The following MMD2 variants were observed in gnomAD, a reference collection of about 807,000 sequenced individuals.
MMD2 encodes monocyte to macrophage differentiation factor 2.
Under a neutral mutation model 33.5 loss-of-function variants are expected in MMD2, and 30 were observed. The ratio of observed to expected loss-of-function variants is 0.90; its 90% confidence interval spans 0.67 to 1.22. MMD2 has a LOEUF of 1.22. Ranked by LOEUF, MMD2 falls within the 50% of genes most tolerant of loss-of-function variation. MMD2 has a pLI of 0.00. For missense variants in MMD2, 364 were observed against 325.4 expected (o/e 1.12, Z -0.91); for synonymous variants, 129 against 123.0 (o/e 1.05, Z -0.32).
chr7:4,894,553 C>A, the MMD2 span, among the ~76,000 whole-genome samples: 1 of 152,122 alleles, frequency 6.6e-6, no homozygotes, highest in Non-Finnish European at 1.5e-5. This position sits in a 1 kb window ranked among gnomAD's most constrained non-coding sequence, Gnocchi z 4.3. Context: ...ATCCTAATCA[C>A]CCCAGGGCCA....
In MMD2 at chr7:4,957,636, C is replaced by A. The variant is rs574707167; in HGVS notation, c.47+1335G>T. Among the ~76,000 whole-genome samples the A allele has an allele frequency of 3.7e-4, 55 of 147,770 alleles. No individual in the cohort carries two copies. The South Asian group carries it at 0.012, about 31-fold the overall frequency. On this transcript the variant is annotated intron_variant, in intron 1 of 6. Transcript: ENST00000401401. ...TGCACTCCAGCCTGGGCAACAAGAG[C>A]GAGACTCCATCTCAGAAAAAAAAAA...
chr7:4,954,636 C>T (rs924695004), intron 1 of MMD2, among the ~76,000 whole-genome samples: 1 of 152,086 alleles, frequency 6.6e-6, no homozygotes, highest in Non-Finnish European at 1.5e-5. Context: ...CCAAGCTGGT[C>T]TTGAACTCCC....
At chr7:4,945,195 T>TTCC (rs1562493773) in intron 1 of MMD2, among the ~76,000 whole-genome samples, 24 of 134,556 alleles carry the variant, frequency 1.8e-4, no homozygotes, top group African/African-American at 6.8e-4. Context: ...TTTCTTCTTC[T>TTCC]TCTTCTTCTT....
At position 4,920,347 on chromosome 7, in the gene MMD2, C is replaced by G; in HGVS notation, c.130-16G>C. ...TGATCCAGAACTGGAGGGGCAGGGA[C>G]GGCAGGGACAGGTGCAGCAGCTGGG... On this transcript the variant is annotated splice_polypyrimidine_tract_variant and intron_variant, in intron 2 of 6. Coordinates refer to ENST00000401401, the MANE Select transcript of MMD2 (RefSeq NM_198403.4). The G allele has an allele frequency of 6.2e-7, 1 of 1,602,494 alleles. No individual in the cohort carries two copies.
intron 5 of MMD2, 89 bp downstream of exon 5, chr7:4,911,056 A>G: frequency 9.0e-7 from 1 of 1,117,236 alleles, no homozygotes; most frequent in Non-Finnish European, 1.3e-6. Context: ...TTATGAGATC[A>G]TCCTGGACTC....
At chr7:4,939,590 GA>G (rs1785844975) in intron 1 of MMD2, among the ~76,000 whole-genome samples, 1 of 152,070 alleles carries the variant, frequency 6.6e-6, no homozygotes, top group African/African-American at 2.4e-5. Context: ...CACCATGGTA[GA>G]ATTAGCATAG....
chr7:4,948,078 G>A (rs1173778951), intron 1 of MMD2, among the ~76,000 whole-genome samples: 1 of 152,208 alleles, frequency 6.6e-6, no homozygotes, highest in Non-Finnish European at 1.5e-5. Context: ...AACCATTCAT[G>A]AGAAACCGCC....
At chr7:4,944,950 T>C (rs1786015730) in intron 1 of MMD2, among the ~76,000 whole-genome samples, 1 of 150,842 alleles carries the variant, frequency 6.6e-6, no homozygotes, top group Non-Finnish European at 1.5e-5. Flanking sequence ...TTTGTATTTT[T>C]AGCAGAGACG....
chr7:4,917,940 C>G (rs1785182387), intron 3 of MMD2, among the ~76,000 whole-genome samples: 1 of 152,066 alleles, frequency 6.6e-6, no homozygotes, highest in South Asian at 2.1e-4. Context: ...TGTGTGGTTC[C>G]TGAGGCCAGA....
chr7:4,892,617 A>AATAAATAAATAAATAAATAAATCT, the MMD2 span, among the ~76,000 whole-genome samples: 3 of 149,262 alleles, frequency 2.0e-5, no homozygotes, highest in African/African-American at 7.4e-5. Context: ...TAAATAAATA[A>AATAAATAAATAAATAAATAAATCT]ATCTGAAAAA....
chr7:4,935,019 C>G (rs566829124), intron 1 of MMD2, among the ~76,000 whole-genome samples: 6 of 152,178 alleles, frequency 3.9e-5, no homozygotes, highest in Non-Finnish European at 7.4e-5. Flanking sequence ...AACCCCATCT[C>G]TACTAAAAAT....
At chr7:4,904,054 T>A (rs1277256190), downstream of MMD2, among the ~76,000 whole-genome samples, 1 of 152,120 alleles carries the variant, frequency 6.6e-6, no homozygotes, top group Non-Finnish European at 1.5e-5. Context: ...TGCCTCAGCC[T>A]CCCGAGTAGC....
In MMD2 at chr7:4,922,988, G is replaced by C. The variant is rs983258182; in HGVS notation, c.129+2463C>G. Among the ~76,000 whole-genome samples, 4 of 152,262 alleles carry C rather than the reference G, an allele frequency of 2.6e-5. No homozygotes were observed. The South Asian group carries it at 8.3e-4, about 32-fold the overall frequency. On this transcript the variant is annotated intron_variant, in intron 2 of 6. Coordinates refer to ENST00000401401, the MANE Select transcript of MMD2 (RefSeq NM_198403.4). ...GTCACCCACTTCCTGGAGCCTGCTG[G>C]ACTATGAATATGCCTTGTGTTTATA... is the stretch of plus-strand genomic sequence containing the variant.
At position 4,906,534 on chromosome 7, in the gene MMD2, T is replaced by C. The variant is rs1456985593; in HGVS notation, c.*862A>G. Reference sequence around the variant, plus strand: ...GAATAGCTCTCGTAATGTCTCTGGATTTTTGGAGATGGGAAGAAATGGCCA... The same window carrying C: ...GAATAGCTCTCGTAATGTCTCTGGACTTTTGGAGATGGGAAGAAATGGCCA... On this transcript the variant is annotated 3_prime_UTR_variant, in exon 7 of 7. Coordinates refer to ENST00000401401, the MANE Select transcript of MMD2 (RefSeq NM_198403.4). 7 of 398,492 alleles carry C rather than the reference T, an allele frequency of 1.8e-5. No homozygotes were observed. Among genetic ancestry groups the C allele is most frequent in the Non-Finnish European group, 3.1e-5 (7 of 226,090 alleles). The allele number at this position is 398,492 out of a possible 1,614,324, so 24.7% of individuals were successfully genotyped here. A position where few individuals can be genotyped will look rare whatever the true frequency, so the allele number is the denominator to read the frequency against.
chr7:4,902,652 T>C (rs1487291138), downstream of MMD2, among the ~76,000 whole-genome samples: 2 of 152,162 alleles, frequency 1.3e-5, no homozygotes, highest in Non-Finnish European at 2.9e-5. Flanking sequence ...ATTAGCATGC[T>C]CATTGGAAGT....
At chr7:4,905,871 C>T (rs935453792), downstream of MMD2, 6 of 152,652 alleles carry the variant, frequency 3.9e-5, no homozygotes, top group African/African-American at 1.4e-4. This position sits in a 1 kb window ranked among gnomAD's most constrained non-coding sequence, Gnocchi z 5.0. Flanking sequence ...TGTGTAGACA[C>T]ACGTGTGCAC....
chr7:4,914,582 C>T (rs1785094743), intron 4 of MMD2, among the ~76,000 whole-genome samples: 1 of 152,118 alleles, frequency 6.6e-6, no homozygotes, highest in Admixed American at 6.6e-5. Flanking sequence ...GATACCAGCA[C>T]AGGGCCTGGC....
intron 2 of MMD2, among the ~76,000 whole-genome samples, chr7:4,922,101 C>A (rs889943770): frequency 6.6e-6 from 1 of 152,048 alleles, no homozygotes; most frequent in Non-Finnish European, 1.5e-5. Context: ...TGGCATGCGT[C>A]TGTAATTCCA....
At position 4,941,545 on chromosome 7, in the gene MMD2, G is replaced by C. The variant is rs1411592977; in HGVS notation, c.48-16013C>G. ...CTCAGGAGGCTGAGGCAAGAGAATC[G>C]CTTGAACCTGGGAGGCGGAGGTTAC... On this transcript the variant is annotated intron_variant, in intron 1 of 6. Coordinates refer to ENST00000401401, the MANE Select transcript of MMD2 (RefSeq NM_198403.4). Among the ~76,000 whole-genome samples the C allele has an allele frequency of 2.6e-5, 4 of 151,064 alleles. No homozygotes were observed. The South Asian group carries it at 8.3e-4, about 31-fold the overall frequency.
Sources: allele counts gnomAD v4.1 joint callset (sites outside exome capture counted in the v4.1 genomes callset), GRCh38; gene constraint gnomAD v4.1.1; non-coding constraint Gnocchi (gnomAD v3.1); transcripts MANE v1.5; gene names NCBI Gene and HGNC (gene_info 2026-07-23, HGNC 2026-07-21).